NLRP3: variants seen among roughly 807,000 people sequenced by gnomAD.
NLRP3 encodes the protein NLR family pyrin domain containing 3.
Under a neutral mutation model 91.3 loss-of-function variants are expected in NLRP3, and 48 were observed. The observed-to-expected ratio is 0.53, with a 90% CI of 0.42 to 0.67. The LOEUF (loss-of-function observed/expected upper bound fraction) is 0.67, where lower values mean the gene tolerates loss of function less well. Among genes scored for constraint, NLRP3 ranks in the 30% least tolerant of loss-of-function variants. The pLI is 0.00. For synonymous variants in NLRP3, 561 were observed against 507.9 expected (o/e 1.10, Z -1.41); for missense variants, 982 against 1,276.9 (o/e 0.77, Z 3.52).
At chr1:247,434,346 C>T (rs1389054498) in intron 6 of NLRP3, 73 bp downstream of exon 6, 14 of 1,512,304 alleles carry the variant, frequency 9.3e-6, no homozygotes, top group Non-Finnish European at 1.2e-5. Context: ...CAGTGAGGCC[C>T]GGTGGGCTGG....
chr1:247,444,599 G>C (rs973449797), intron 8 of NLRP3, 52 bp from the exon 9 acceptor site: 1 of 1,594,778 alleles, frequency 6.3e-7, no homozygotes, highest in African/African-American at 1.3e-5. Context: ...ATCTTGGGGA[G>C]CTAGGGGGAT....
In NLRP3 at chr1:247,425,902, T is replaced by C; in HGVS notation, c.2150+303T>C. Reference sequence around the variant, plus strand: ...AATATTTGTCAACTGAAATTTCTTGTAAGCTACTTGGAGCACTAGTGCCTA... The same window carrying C: ...AATATTTGTCAACTGAAATTTCTTGCAAGCTACTTGGAGCACTAGTGCCTA... On this transcript the variant is annotated intron_variant, in intron 4 of 9. Coordinates refer to ENST00000336119, the MANE Select transcript of NLRP3 (RefSeq NM_001243133.2). The surrounding 1 kb of genome is among the most constrained non-coding windows in gnomAD (Gnocchi z 4.1). 1 of 405,368 alleles carries C rather than the reference T, an allele frequency of 2.5e-6. No homozygotes were observed. Among genetic ancestry groups the C allele is most frequent in the Non-Finnish European group, 4.6e-6 (1 of 215,292 alleles). 25.1% of individuals were successfully genotyped at this position (405,368 alleles called of 1,614,324 possible). A position where few individuals can be genotyped will look rare whatever the true frequency, so the allele number is the denominator to read the frequency against.
chr1:247,439,719 A>G (rs1315698126), intron 7 of NLRP3, among the ~76,000 whole-genome samples: 1 of 152,224 alleles, frequency 6.6e-6, no homozygotes, highest in African/African-American at 2.4e-5. Context: ...GAACCATAAT[A>G]TAAATATTTT....
rs76291085 is a variant in NLRP3, at chr1:247,424,027, C to A, written c.578C>A (p.Thr193Lys). ...QELLAIGKTK[T>K]CESPVSPIKM... ...CTTCTGGCCATCGGCAAGACCAAGA[C>A]GTGTGAGAGCCCCGTGAGTCCCATT... is the stretch of plus-strand genomic sequence containing the variant. The change falls in exon 4 of 10, where the codon ACG becomes AAG. Residue 193 changes from threonine to lysine, a missense_variant. This residue lies in a region of NLRP3 where 548 missense variants were observed against 713.7 expected (regional missense o/e 0.77). Transcript: ENST00000336119. This position sits in a 1 kb window ranked among gnomAD's most constrained non-coding sequence, Gnocchi z 8.1. The A allele has an allele frequency of 7.4e-6, 12 of 1,613,996 alleles. No individual in the cohort carries two copies. In the African/African-American group the frequency reaches 1.3e-4, roughly 18 times the overall value.
chr1:247,438,603 C>T (rs964902905), intron 7 of NLRP3, among the ~76,000 whole-genome samples: 1 of 152,080 alleles, frequency 6.6e-6, no homozygotes, highest in Non-Finnish European at 1.5e-5. Context: ...AGGCTGGTCT[C>T]GAATTTCTGA....
At chr1:247,435,526 G>A (rs1377934126) in intron 6 of NLRP3, among the ~76,000 whole-genome samples, 3 of 152,190 alleles carry the variant, frequency 2.0e-5, no homozygotes, top group Admixed American at 6.5e-5. Flanking sequence ...CAGATTCATA[G>A]AGACAGGAAG....
chr1:247,425,306 G>T lies in NLRP3; in HGVS notation c.1857G>T (p.Leu619=). 6.2e-7 allele frequency: 1 copy of T among 1,614,204 alleles called. No homozygotes were observed. Among genetic ancestry groups the T allele is most frequent in the Non-Finnish European group, 8.5e-7 (1 of 1,180,044 alleles). ...AAGTGAAAGCCAAAGCTAAAAAGCT[G>T]CAGATCCAGCCCAGCCAGCTGGAAT... ...WIEVKAKAKK[L]QIQPSQLELF... Residue 619 remains leucine (L), a synonymous_variant, in exon 4 of 10, where the codon CTG becomes CTT. Transcript: ENST00000336119. The surrounding 1 kb of genome is among the most constrained non-coding windows in gnomAD (Gnocchi z 4.1).
intron 7 of NLRP3, among the ~76,000 whole-genome samples, chr1:247,440,329 T>A (rs370760141): frequency 5.4e-4 from 82 of 152,294 alleles, no homozygotes; most frequent in African/African-American, 1.6e-3. Context: ...CATTGAATAG[T>A]GGGGCTTTCC....
At chr1:247,444,906 C>A (rs1041662029) in intron 9 of NLRP3, 85 bp downstream of exon 9, 10 of 1,427,278 alleles carry the variant, frequency 7.0e-6, no homozygotes, top group Admixed American at 5.6e-5. Context: ...GGATGGCTCT[C>A]GCTTCATTTG....
At chr1:247,448,268 C>CT (rs58966539) in intron 9 of NLRP3, 137 bp from the exon 10 acceptor site, 8,443 of 356,740 alleles carry the variant, frequency 0.024, 32 homozygotes, top group South Asian at 0.027. Context: ...TGTGGTCCCT[C>CT]TTTTTTTTTT....
chr1:247,436,094 T>A lies in NLRP3; in HGVS notation c.2617T>A (p.Leu873Ile). The A allele has an allele frequency of 6.2e-7, 1 of 1,614,110 alleles. No homozygotes were observed. The highest frequency in any genetic ancestry group is 2.2e-5 in the East Asian group (1 of 44,880). The change falls in exon 7 of 10, where the codon TTA becomes ATA. Residue 873 changes from leucine (L) to isoleucine (I), a missense_variant. Around this residue, in one of 5 missense-constraint regions of NLRP3, gnomAD observed 373 missense variants for 431.5 expected, o/e 0.86. Coordinates refer to ENST00000336119, the MANE Select transcript of NLRP3 (RefSeq NM_001243133.2). Reference sequence around the variant, plus strand: ...CTTGGGAGACTCAGGAGTCGCAATTTTATGTGAAAAAGCCAAGAATCCACA... The same window carrying A: ...CTTGGGAGACTCAGGAGTCGCAATTATATGTGAAAAAGCCAAGAATCCACA... The part of the protein sequence containing the change: ...NALGDSGVAI[L>I]CEKAKNPQCN...
intron 1 of NLRP3, among the ~76,000 whole-genome samples, chr1:247,416,944 A>C (rs1662107815): frequency 6.6e-6 from 1 of 152,184 alleles, no homozygotes; most frequent in African/African-American, 2.4e-5. Flanking sequence ...GCTTTGCCAA[A>C]TAGAGTATAA....
At position 247,417,163 on chromosome 1, in the gene NLRP3, G is replaced by GTTGTCT. The variant is rs556486409; in HGVS notation, c.-748-877_-748-872dup. ...AGTGTGTCTTTTAGTCATCTATTTT[G>GTTGTCT]TTGTCTTTGTCTTTGTCTGACTGAA... On this transcript the variant is annotated intron_variant, in intron 1 of 9. Coordinates refer to ENST00000336119, the MANE Select transcript of NLRP3 (RefSeq NM_001243133.2). 2.4e-3 allele frequency among the ~76,000 whole-genome samples: 365 copies of GTTGTCT among 152,272 alleles called. 5 individuals are homozygous for GTTGTCT. Among genetic ancestry groups the GTTGTCT allele is most frequent in the African/African-American group, 8.5e-3 (352 of 41,560 alleles).
chr1:247,425,256 A>G lies in NLRP3; in HGVS notation c.1807A>G (p.Arg603Gly), dbSNP rs770623009. The G allele has an allele frequency of 1.2e-6, 2 of 1,614,254 alleles. No individual in the cohort carries two copies. The highest frequency in any genetic ancestry group is 1.7e-6 in the Non-Finnish European group (2 of 1,180,044). ...AAGTTGCAAGATCTCTCAGCAAATC[A>G]GGCTGGAGCTGCTGAAATGGATTGA... The part of the protein sequence containing the change: ...KLSCKISQQI[R>G]LELLKWIEVK... The change falls in exon 4 of 10, where the codon AGG (arginine) becomes GGG (glycine). Residue 603 changes from arginine (R) to glycine (G), a missense_variant. By Grantham distance (125) the Arg-to-Gly change is moderately radical. This residue lies in a region of NLRP3 where 32 missense variants were observed against 60.3 expected (regional missense o/e 0.53). Transcript: ENST00000336119. This position sits in a 1 kb window ranked among gnomAD's most constrained non-coding sequence, Gnocchi z 4.1.
At position 247,435,963 on chromosome 1, in the gene NLRP3, A is replaced by T. The variant is rs199475735; in HGVS notation, c.2493-7A>T. 1.2e-6 allele frequency: 2 copies of T among 1,613,648 alleles called. No homozygotes were observed. The highest frequency in any genetic ancestry group is 2.7e-5 in the African/African-American group (2 of 74,988). ...ACATGACTGACATTCTGCCATCTCTATGGAAGGTTGGTCAGCTGCTGCCTC... is the reference window on the plus strand; with the variant it reads ...ACATGACTGACATTCTGCCATCTCTTTGGAAGGTTGGTCAGCTGCTGCCTC... On this transcript the variant is annotated splice_region_variant and splice_polypyrimidine_tract_variant and intron_variant, in intron 6 of 9. Transcript: ENST00000336119.
Position 247,418,689 on chromosome 1 carries a change from A to G in NLRP3, c.-112A>G, listed in dbSNP as rs996682787. ...CTGTTTGCTGAGTTTTTGATAATTTATATCTCTCAAAGTGGAGACTTTAAA... is the reference window on the plus strand; with the variant it reads ...CTGTTTGCTGAGTTTTTGATAATTTGTATCTCTCAAAGTGGAGACTTTAAA... On this transcript the variant is annotated 5_prime_UTR_variant, in exon 2 of 10. Coordinates refer to ENST00000336119, the MANE Select transcript of NLRP3 (RefSeq NM_001243133.2). 2 of 1,280,856 alleles carry G rather than the reference A, an allele frequency of 1.6e-6. No individual in the cohort carries two copies. Among genetic ancestry groups the G allele is most frequent in the East Asian group, 4.7e-5 (2 of 42,396 alleles). The allele number at this position is 1,280,856 out of a possible 1,614,324, so 79.3% of individuals were successfully genotyped here.
In NLRP3 at chr1:247,418,712, A is replaced by T. The variant is rs1662223529; in HGVS notation, c.-89A>T. ...TTATATCTCTCAAAGTGGAGACTTT[A>T]AAAAAGACTCATCCGTGTGCCGTGT... On this transcript the variant is annotated 5_prime_UTR_variant, in exon 2 of 10. Transcript: ENST00000336119. The T allele has an allele frequency of 6.7e-7, 1 of 1,495,388 alleles. No individual in the cohort carries two copies. 92.6% of individuals were successfully genotyped at this position (1,495,388 alleles called of 1,614,324 possible).
chr1:247,423,119 A>T, intron 2 of NLRP3, 111 bp from the exon 3 acceptor site: 1 of 1,468,020 alleles, frequency 6.8e-7, no homozygotes, highest in Non-Finnish European at 9.5e-7. Context: ...CCATGTTTTG[A>T]TTTGGGGGAT....
Position 247,425,346 on chromosome 1 carries a change from T to C in NLRP3, c.1897T>C (p.Tyr633His). The change falls in exon 4 of 10, where the codon TAC becomes CAC. Residue 633 changes from tyrosine (Y) to histidine (H), a missense_variant. Physicochemically the swap from Tyr to His is moderately conservative, Grantham distance 83 (BLOSUM62 2). This residue lies in a region of NLRP3 where 373 missense variants were observed against 431.5 expected (regional missense o/e 0.86). Transcript: ENST00000336119. The surrounding 1 kb of genome is among the most constrained non-coding windows in gnomAD (Gnocchi z 4.1). The part of the protein sequence containing the change: ...PSQLELFYCL[Y>H]EMQEEDFVQR... Reference sequence around the variant, plus strand: ...CCAGCTGGAATTGTTCTACTGTTTGTACGAGATGCAGGAGGAGGACTTCGT... The same window carrying C: ...CCAGCTGGAATTGTTCTACTGTTTGCACGAGATGCAGGAGGAGGACTTCGT... 1 of 1,614,180 alleles carries C rather than the reference T, an allele frequency of 6.2e-7. No individual in the cohort carries two copies. Among genetic ancestry groups the C allele is most frequent in the South Asian group, 1.1e-5 (1 of 91,082 alleles).
Sources: gnomAD v4.1 joint callset for allele counts (sites outside exome capture counted in the v4.1 genomes callset) on GRCh38, gnomAD v4.1.1 for gene constraint, gnomAD v4.1.1 regional missense constraint, Gnocchi (gnomAD v3.1) non-coding constraint, MANE v1.5 for transcripts, NCBI Gene and HGNC (gene_info 2026-07-23, HGNC 2026-07-21) for gene names.